The following TENM3 variants were observed in gnomAD, a reference collection of about 807,000 sequenced individuals.
The protein encoded by TENM3 is teneurin-3.
Under a neutral mutation model 255.1 loss-of-function variants are expected in TENM3, and 63 were observed. The observed-to-expected ratio is 0.25, with a 90% CI of 0.20 to 0.30. The LOEUF (loss-of-function observed/expected upper bound fraction) is 0.30, where lower values mean the gene tolerates loss of function less well. Ranked by LOEUF, TENM3 falls within the 10% of genes least tolerant of loss-of-function variation. The pLI is 1.00. For synonymous variants in TENM3, 1,306 were observed against 1,322.3 expected (o/e 0.99, Z 0.27); for missense variants, 2,929 against 3,461.1 (o/e 0.85, Z 3.86).
chr4:181,455,755 C>G, the TENM3 span, among the ~76,000 whole-genome samples: 1 of 151,784 alleles, frequency 6.6e-6, no homozygotes, highest in Non-Finnish European at 1.5e-5. Context: ...TTAAAAAAAT[C>G]TCAACAGAGA....
the TENM3 span, among the ~76,000 whole-genome samples, chr4:181,476,461 A>T: frequency 1.3e-5 from 2 of 152,250 alleles, no homozygotes; most frequent in East Asian, 3.9e-4. Context: ...GGGTGTGATA[A>T]ATATTTTCAA....
intron 3 of TENM3, among the ~76,000 whole-genome samples, chr4:182,512,322 T>C (rs1464016546): frequency 1.3e-5 from 2 of 152,114 alleles, no homozygotes; most frequent in African/African-American, 4.8e-5. Flanking sequence ...TCAGGGACCG[T>C]AGAAGATGAC....
At chr4:181,571,214 A>G in the TENM3 span, among the ~76,000 whole-genome samples, 1 of 152,192 alleles carries the variant, frequency 6.6e-6, no homozygotes, top group African/African-American at 2.4e-5. Flanking sequence ...GAGGCGGGAA[A>G]GTAGAAAGGA....
At chr4:182,311,619 G>A (rs1580118176) in intron 1 of TENM3, among the ~76,000 whole-genome samples, 2 of 152,188 alleles carry the variant, frequency 1.3e-5, no homozygotes, top group African/African-American at 4.8e-5. Context: ...AAATGGAGTT[G>A]ATAATTCTTA....
chr4:181,498,466 AAG>A, the TENM3 span, among the ~76,000 whole-genome samples: 1 of 152,296 alleles, frequency 6.6e-6, no homozygotes, highest in East Asian at 1.9e-4. Context: ...CCCAGAAAAA[AAG>A]GCATGATAAG....
chr4:182,035,300 A>G, the TENM3 span, among the ~76,000 whole-genome samples: 1 of 152,214 alleles, frequency 6.6e-6, no homozygotes, highest in African/African-American at 2.4e-5. Flanking sequence ...TTAAATCAGC[A>G]AATTGAGCTT....
chr4:181,543,819 G>C, the TENM3 span, among the ~76,000 whole-genome samples: 945 of 152,226 alleles, frequency 6.2e-3, 6 homozygotes, highest in African/African-American at 0.022. Flanking sequence ...AACTACATAC[G>C]TTCCTTCTTA....
intron 3 of TENM3, among the ~76,000 whole-genome samples, chr4:182,419,672 A>G (rs191353654): frequency 8.5e-4 from 129 of 152,328 alleles, no homozygotes; most frequent in Middle Eastern, 3.4e-3. Flanking sequence ...CATATACACC[A>G]TGGAATACTA....
the TENM3 span, among the ~76,000 whole-genome samples, chr4:181,912,972 C>T: frequency 3.3e-5 from 5 of 151,986 alleles, no homozygotes; most frequent in East Asian, 7.7e-4. Context: ...TCCAGCAGAC[C>T]TTTGGAAATG....
intron 3 of TENM3, among the ~76,000 whole-genome samples, chr4:182,560,482 A>T (rs1743050204): frequency 1.3e-5 from 2 of 152,160 alleles, no homozygotes; most frequent in Non-Finnish European, 2.9e-5. Flanking sequence ...ATGCCAGCAG[A>T]AGCAACAGTG....
At chr4:182,785,712 T>TAAAAAA (rs397879537) in intron 24 of TENM3, among the ~76,000 whole-genome samples, 28 of 60,050 alleles carry the variant, frequency 4.7e-4, no homozygotes, top group East Asian at 9.3e-4. Flanking sequence ...TGTCTCAAGA[T>TAAAAAA]AAAAAAAAAA....
At chr4:182,333,320 A>T (rs1402298852) in intron 2 of TENM3, among the ~76,000 whole-genome samples, 1 of 152,236 alleles carries the variant, frequency 6.6e-6, no homozygotes, top group Non-Finnish European at 1.5e-5. Flanking sequence ...TAAAAATTCA[A>T]AACAAGTATT....
the TENM3 span, among the ~76,000 whole-genome samples, chr4:181,872,348 G>GTAT: frequency 0.2 from 30,883 of 151,178 alleles, 3,539 homozygotes; most frequent in East Asian, 0.56. Context: ...AAGTTCAGGG[G>GTAT]TACATGTGCA....
At chr4:182,604,119 G>T (rs1032692097) in intron 4 of TENM3, among the ~76,000 whole-genome samples, 1 of 152,042 alleles carries the variant, frequency 6.6e-6, no homozygotes, top group African/African-American at 2.4e-5. Context: ...GCAGTTTCTT[G>T]CTTCCATAAA....
the TENM3 span, among the ~76,000 whole-genome samples, chr4:182,075,011 GT>G: frequency 6.6e-6 from 1 of 152,076 alleles, no homozygotes; most frequent in Non-Finnish European, 1.5e-5. Context: ...CGGGGGTTAT[GT>G]TACACGGTTA....
At chr4:181,684,810 A>G in the TENM3 span, among the ~76,000 whole-genome samples, 2 of 151,614 alleles carry the variant, frequency 1.3e-5, no homozygotes, top group African/African-American at 2.4e-5. Context: ...GCTGGAGTGC[A>G]GTGGTGCCAT....
chr4:182,085,457 C>T, the TENM3 span, among the ~76,000 whole-genome samples: 187 of 152,114 alleles, frequency 1.2e-3, no homozygotes, highest in Non-Finnish European at 2.1e-3. Context: ...ATGCAATTAA[C>T]GCCTATAATG....
chr4:181,739,439 C>T, the TENM3 span, among the ~76,000 whole-genome samples: 2 of 152,168 alleles, frequency 1.3e-5, no homozygotes, highest in African/African-American at 4.8e-5. Context: ...TCATATATGA[C>T]ATACTTGCTT....
intron 4 of TENM3, among the ~76,000 whole-genome samples, chr4:182,622,562 T>C (rs1054540381): frequency 5.3e-5 from 8 of 152,210 alleles, no homozygotes; most frequent in Non-Finnish European, 1.0e-4. Flanking sequence ...TAGGCTCAGA[T>C]TCAAATCCTA....
Sources: allele counts gnomAD v4.1 joint callset (sites outside exome capture counted in the v4.1 genomes callset), GRCh38; gene constraint gnomAD v4.1.1; transcripts MANE v1.5; gene names NCBI Gene and HGNC (gene_info 2026-07-23, HGNC 2026-07-21).